Variants in SNTG1 observed in about 807,000 individuals in gnomAD.
SNTG1 encodes syntrophin gamma 1, also known as gamma-1-syntrophin.
In SNTG1, 39 loss-of-function variants were observed where a neutral mutation model predicts 74.7. That is an observed-to-expected ratio of 0.52 (90% CI 0.40 to 0.68). The LOEUF is 0.68. SNTG1 is among the 30% of genes least tolerant of loss of function. The pLI, the probability that SNTG1 is intolerant of heterozygous loss-of-function variation, is 0.00. For missense variants in SNTG1, 685 were observed against 609.5 expected, an observed-to-expected ratio of 1.12 and a Z score of -1.30; for synonymous variants, 254 against 217.1, an observed-to-expected ratio of 1.17 and a Z score of -1.49.
At chr8:50,654,789 T>A (rs181998258) in intron 13 of SNTG1, among the ~76,000 whole-genome samples, 1 of 152,334 alleles carries the variant, frequency 6.6e-6, no homozygotes, top group Non-Finnish European at 1.5e-5. Flanking sequence ...TTCTGGATCA[T>A]CTCAATGGCT....
chr8:50,267,252 A>G (rs1483376563), intron 2 of SNTG1, among the ~76,000 whole-genome samples: 1 of 152,168 alleles, frequency 6.6e-6, no homozygotes, highest in Non-Finnish European at 1.5e-5. Context: ...AAGTATTTTT[A>G]AATCATATGT....
intron 18 of SNTG1, among the ~76,000 whole-genome samples, chr8:50,770,471 C>G (rs1290818811): frequency 6.6e-6 from 1 of 152,020 alleles, no homozygotes; most frequent in African/African-American, 2.4e-5. Context: ...TCCTAGAAAA[C>G]ATGGTAGCTA....
intron 8 of SNTG1, among the ~76,000 whole-genome samples, chr8:50,483,670 A>C (rs925880815): frequency 6.6e-6 from 1 of 152,212 alleles, no homozygotes; most frequent in Admixed American, 6.5e-5. Context: ...GAACAGTGTA[A>C]GCAATTCTAC....
intron 1 of SNTG1, among the ~76,000 whole-genome samples, chr8:50,138,550 G>T (rs1378263991): frequency 4.0e-5 from 6 of 151,498 alleles, no homozygotes. Context: ...GCTTGAACCT[G>T]GGAGGTGGAG....
chr8:50,078,846 G>A (rs894983804), intron 1 of SNTG1, among the ~76,000 whole-genome samples: 1 of 152,142 alleles, frequency 6.6e-6, no homozygotes, highest in East Asian at 1.9e-4. Flanking sequence ...GTTTGCTAAG[G>A]ATGATGGTTT....
At chr8:50,199,848 C>A (rs1229572399) in intron 2 of SNTG1, among the ~76,000 whole-genome samples, 3 of 152,060 alleles carry the variant, frequency 2.0e-5, no homozygotes, top group African/African-American at 7.2e-5. Context: ...GTGATTTGAT[C>A]TGTAGGGAAT....
chr8:50,419,465 C>T (rs2093054545), intron 4 of SNTG1, among the ~76,000 whole-genome samples: 1 of 152,120 alleles, frequency 6.6e-6, no homozygotes, highest in African/African-American at 2.4e-5. Context: ...CCACAAACTC[C>T]ACCTCACTGT....
At chr8:50,417,485 G>C (rs1167881443) in intron 4 of SNTG1, among the ~76,000 whole-genome samples, 3 of 152,080 alleles carry the variant, frequency 2.0e-5, no homozygotes, top group Non-Finnish European at 4.4e-5. Context: ...TCCATGGCTT[G>C]CTTCTCTTTT....
chr8:50,575,857 C>T (rs1347588306), intron 12 of SNTG1: 1 of 152,212 alleles, frequency 6.6e-6, no homozygotes, highest in Non-Finnish European at 1.5e-5. Flanking sequence ...TCATTCATAT[C>T]TTCTTCCAGG....
intron 8 of SNTG1, among the ~76,000 whole-genome samples, chr8:50,483,900 T>C (rs978601043): frequency 6.6e-6 from 1 of 152,164 alleles, no homozygotes; most frequent in Non-Finnish European, 1.5e-5. Flanking sequence ...TCTTCACAAA[T>C]TCTACTTAAA....
chr8:50,502,894 A>C lies in SNTG1; in HGVS notation c.466+14A>C, dbSNP rs775985878. On this transcript the variant is annotated intron_variant, in intron 9 of 18. Transcript: ENST00000642720. ...AAGATTGTGCATGTAAGCATTTATA[A>C]AGAATAGATAAAAGTGCTCACATCA... 2.5e-6 allele frequency: 4 copies of C among 1,582,504 alleles called. No individual in the cohort carries two copies. Among genetic ancestry groups the C allele is most frequent in the Admixed American group, 3.4e-5 (2 of 59,384 alleles).
At chr8:50,630,890 C>T (rs1252197208) in intron 13 of SNTG1, among the ~76,000 whole-genome samples, 3 of 152,160 alleles carry the variant, frequency 2.0e-5, no homozygotes, top group African/African-American at 4.8e-5. Context: ...TTTTGGAATG[C>T]CAAAGACTCT....
At position 50,003,107 on chromosome 8, in the gene SNTG1, G is replaced by A. The variant is rs564362101; in HGVS notation, c.-103+90876G>A. 2.0e-5 allele frequency among the ~76,000 whole-genome samples: 3 copies of A among 152,272 alleles called. No individual in the cohort carries two copies. In the South Asian group the frequency reaches 6.2e-4, roughly 32 times the overall value. On this transcript the variant is annotated intron_variant, in intron 1 of 18. Coordinates refer to ENST00000642720, the MANE Select transcript of SNTG1 (RefSeq NM_018967.5). ...TGAGGAGCTTAAGAGATAATAGGCA[G>A]TCATATCTACTGGGCACAAGCATTT...
chr8:50,590,154 A>G (rs750609050), intron 12 of SNTG1, among the ~76,000 whole-genome samples: 5 of 152,146 alleles, frequency 3.3e-5, no homozygotes, highest in Non-Finnish European at 7.4e-5. Context: ...AATAGTCTGC[A>G]TTACTTCTGC....
intron 13 of SNTG1, among the ~76,000 whole-genome samples, chr8:50,630,071 ATGT>A (rs1435187835): frequency 6.6e-6 from 1 of 152,178 alleles, no homozygotes; most frequent in Non-Finnish European, 1.5e-5. Context: ...TCTATTTTGC[ATGT>A]TGTTGGTAAA....
At chr8:50,512,944 T>C (rs1399102491) in intron 9 of SNTG1, among the ~76,000 whole-genome samples, 1 of 152,210 alleles carries the variant, frequency 6.6e-6, no homozygotes, top group Non-Finnish European at 1.5e-5. Flanking sequence ...TCCAGCTTTG[T>C]TCTGTTGCTT....
At chr8:50,680,600 G>A (rs1156883687) in intron 15 of SNTG1, among the ~76,000 whole-genome samples, 2 of 152,122 alleles carry the variant, frequency 1.3e-5, no homozygotes, top group Non-Finnish European at 2.9e-5. Flanking sequence ...ACAAACTAGA[G>A]CACAGTTACA....
intron 1 of SNTG1, among the ~76,000 whole-genome samples, chr8:49,983,506 C>T (rs1229163137): frequency 2.0e-5 from 3 of 152,098 alleles, no homozygotes; most frequent in Non-Finnish European, 4.4e-5. Context: ...CAAATAATCT[C>T]GTTTGCTTTT....
chr8:50,089,580 TC>T (rs2079633472), intron 1 of SNTG1, among the ~76,000 whole-genome samples: 1 of 151,700 alleles, frequency 6.6e-6, no homozygotes, highest in South Asian at 2.1e-4. Flanking sequence ...AACAACCCCA[TC>T]AAAAAGTGGG....
Sources: gnomAD v4.1 joint callset for allele counts (sites outside exome capture counted in the v4.1 genomes callset) on GRCh38, gnomAD v4.1.1 for gene constraint, MANE v1.5 for transcripts, NCBI Gene and HGNC (gene_info 2026-07-23, HGNC 2026-07-21) for gene names.